ANLN: variants seen among roughly 807,000 people sequenced by gnomAD.
ANLN encodes the protein anillin, actin binding protein, also known as anillin.
In ANLN, 59 loss-of-function variants were observed where a neutral mutation model predicts 135.1. That is an observed-to-expected ratio of 0.44 (90% CI 0.35 to 0.54). ANLN has a LOEUF of 0.54. Among genes scored for constraint, ANLN ranks in the 20% least tolerant of loss-of-function variants. The pLI, the probability that ANLN is intolerant of heterozygous loss-of-function variation, is 0.00. For synonymous variants in ANLN, 406 were observed against 456.4 expected (o/e 0.89, Z 1.41); for missense variants, 1,182 against 1,340.0 (o/e 0.88, Z 1.84).
intron 22 of ANLN, 55 bp downstream of exon 22, chr7:36,443,917 G>A (rs1788883084): frequency 2.4e-6 from 3 of 1,261,036 alleles, no homozygotes; most frequent in Admixed American, 2.1e-5. Context: ...TTCGTGTAGT[G>A]TTCATGCAAA....
At chr7:36,420,461 A>T in intron 11 of ANLN, 136 bp from the exon 12 acceptor site, 1 of 1,264,594 alleles carries the variant, frequency 7.9e-7, no homozygotes, top group East Asian at 2.4e-5. Flanking sequence ...CTTTCACCAA[A>T]TGAGAGTTCC....
At chr7:36,407,624 C>T in intron 4 of ANLN, 110 bp from the exon 5 acceptor site, 1 of 820,476 alleles carries the variant, frequency 1.2e-6, no homozygotes, top group Non-Finnish European at 1.9e-6. Flanking sequence ...ATTTCATTTT[C>T]ATAAATCTTA....
intron 22 of ANLN, 64 bp from the exon 23 acceptor site, chr7:36,449,601 G>T (rs1202140486): frequency 2.3e-6 from 3 of 1,278,656 alleles, no homozygotes; most frequent in Non-Finnish European, 3.2e-6. Context: ...CTTAAATGCT[G>T]CTTAATGCTT....
At chr7:36,427,306 G>A (rs528700878) in intron 20 of ANLN, among the ~76,000 whole-genome samples, 1 of 151,370 alleles carries the variant, frequency 6.6e-6, no homozygotes, top group South Asian at 2.1e-4. Flanking sequence ...CCTGCATTTA[G>A]ATGTTAAGTT....
chr7:36,420,842 T>G, intron 12 of ANLN, 98 bp downstream of exon 12: 1 of 1,299,816 alleles, frequency 7.7e-7, no homozygotes, highest in East Asian at 2.3e-5. Context: ...CTCTGAACCC[T>G]GAGTGGCCAG....
intron 20 of ANLN, among the ~76,000 whole-genome samples, chr7:36,430,319 T>C (rs1274404720): frequency 6.6e-6 from 1 of 152,222 alleles, no homozygotes; most frequent in Non-Finnish European, 1.5e-5. Flanking sequence ...GAATTTCTGT[T>C]GAGGTTAATC....
chr7:36,418,583 T>TGAAA (rs1787743058), intron 9 of ANLN, among the ~76,000 whole-genome samples: 1 of 152,196 alleles, frequency 6.6e-6, no homozygotes, highest in Non-Finnish European at 1.5e-5. Flanking sequence ...GACTGCTGTG[T>TGAAA]GAAAGGGTAG....
chr7:36,394,908 G>C (rs1398163353), intron 1 of ANLN, among the ~76,000 whole-genome samples: 1 of 152,110 alleles, frequency 6.6e-6, no homozygotes, highest in African/African-American at 2.4e-5. Flanking sequence ...AGGAACATCA[G>C]TTGATTTGGA....
At chr7:36,401,382 A>G (rs2116539562) in intron 3 of ANLN, among the ~76,000 whole-genome samples, 1 of 152,298 alleles carries the variant, frequency 6.6e-6, no homozygotes, top group Non-Finnish European at 1.5e-5. Flanking sequence ...TGTGCTGCCC[A>G]GGCTGGAGTG....
At chr7:36,415,675 T>C in intron 7 of ANLN, 83 bp from the exon 8 acceptor site, 2 of 1,367,530 alleles carry the variant, frequency 1.5e-6, no homozygotes, top group Non-Finnish European at 2.0e-6. Context: ...TATTTAATAA[T>C]AATCTTGTTT....
At position 36,401,408 on chromosome 7, in the gene ANLN, G is replaced by A. The variant is rs536226431; in HGVS notation, c.487+2015G>A. Among the ~76,000 whole-genome samples the A allele has an allele frequency of 3.3e-5, 5 of 152,166 alleles. No homozygotes were observed. The South Asian group carries it at 6.2e-4, about 19-fold the overall frequency. On this transcript the variant is annotated intron_variant, in intron 3 of 23. Coordinates refer to ENST00000265748, the MANE Select transcript of ANLN (RefSeq NM_018685.5). ...GGCTGGAGTGCAGTGGCGCAATCTC[G>A]GCTCACTGCAACCTCCGCCTCCCAG...
intron 17 of ANLN, 72 bp from the exon 18 acceptor site, chr7:36,425,630 G>T (rs919376605): frequency 2.5e-6 from 3 of 1,191,368 alleles, no homozygotes; most frequent in Middle Eastern, 2.7e-4. Context: ...ATTTCTCAAG[G>T]TTGGATAGTT....
chr7:36,434,731 G>C (rs887851562), intron 20 of ANLN, among the ~76,000 whole-genome samples: 2 of 152,044 alleles, frequency 1.3e-5, no homozygotes, highest in African/African-American at 4.8e-5. Flanking sequence ...AGGTGTAGTG[G>C]TGCATGCCTG....
intron 20 of ANLN, among the ~76,000 whole-genome samples, chr7:36,438,842 T>C (rs1788652428): frequency 6.6e-6 from 1 of 152,236 alleles, no homozygotes; most frequent in Non-Finnish European, 1.5e-5. Flanking sequence ...TATTGTTCTT[T>C]ATTGCTGGGT....
chr7:36,418,589 G>A (rs953455165), intron 9 of ANLN, among the ~76,000 whole-genome samples: 1 of 152,086 alleles, frequency 6.6e-6, no homozygotes, highest in South Asian at 2.1e-4. Flanking sequence ...TGTGTGAAAG[G>A]GTAGCTCTCA....
chr7:36,417,271 TGA>T (rs1317305086), intron 9 of ANLN, 81 bp downstream of exon 9: 2 of 757,358 alleles, frequency 2.6e-6, no homozygotes, highest in Non-Finnish European at 4.3e-6. Flanking sequence ...ATATTCAAAT[TGA>T]GAGTATCTCT....
At chr7:36,407,648 A>C in intron 4 of ANLN, 86 bp from the exon 5 acceptor site, 5 of 965,618 alleles carry the variant, frequency 5.2e-6, no homozygotes, top group Non-Finnish European at 8.0e-6. Context: ...AAAGGCTATC[A>C]AGTAAATAGG....
intron 21 of ANLN, among the ~76,000 whole-genome samples, chr7:36,440,685 G>A (rs1421769518): frequency 2.6e-5 from 4 of 151,982 alleles, no homozygotes; most frequent in African/African-American, 9.7e-5. Context: ...GGGCTTATGG[G>A]GTAATTCATA....
chr7:36,430,158 A>G (rs890900434), intron 20 of ANLN, among the ~76,000 whole-genome samples: 2 of 152,226 alleles, frequency 1.3e-5, no homozygotes, highest in Admixed American at 1.3e-4. Flanking sequence ...CACTCATGTA[A>G]TAATCCTATT....
Sources: allele counts gnomAD v4.1 joint callset (sites outside exome capture counted in the v4.1 genomes callset), GRCh38; gene constraint gnomAD v4.1.1; transcripts MANE v1.5; gene names NCBI Gene and HGNC (gene_info 2026-07-23, HGNC 2026-07-21).